The following BTBD3 variants were observed in gnomAD, a reference collection of about 807,000 sequenced individuals.
BTBD3 encodes BTB domain containing 3.
BTBD3 carries 14 observed loss-of-function variants against 41.6 expected under a neutral mutation model. The observed-to-expected ratio is 0.34, with a 90% CI of 0.22 to 0.53. The LOEUF (loss-of-function observed/expected upper bound fraction) is 0.53. Ranked by LOEUF, BTBD3 falls within the 20% of genes least tolerant of loss-of-function variation. The probability of loss-of-function intolerance (pLI) is 0.95; values close to 1 mark genes in which losing one functional copy is unlikely to be tolerated. For synonymous variants in BTBD3, 249 were observed against 233.7 expected (o/e 1.07, Z -0.60); for missense variants, 426 against 654.7 (o/e 0.65, Z 3.81).
At chr20:11,891,230 C>T (rs1475486691) in intron 1 of BTBD3, 1 of 151,772 alleles carries the variant, frequency 6.6e-6, no homozygotes, top group Non-Finnish European at 1.5e-5. Context: ...GTCCTGGTGC[C>T]GGGGGCGGAG....
chr20:11,916,413 CTGTA>C (rs757292488), upstream of BTBD3, among the ~76,000 whole-genome samples: 66 of 152,254 alleles, frequency 4.3e-4, no homozygotes, highest in African/African-American at 1.3e-3. Context: ...TTGGAGGTAT[CTGTA>C]TGTGTGTGTT....
chr20:11,907,658 G>A (rs552232443), intron 1 of BTBD3, among the ~76,000 whole-genome samples: 1 of 152,330 alleles, frequency 6.6e-6, no homozygotes, highest in African/African-American at 2.4e-5. Flanking sequence ...AACCTTCCTT[G>A]CTTAGGTATC....
At chr20:11,914,633 A>T (rs904300686), upstream of BTBD3, among the ~76,000 whole-genome samples, 5 of 151,842 alleles carry the variant, frequency 3.3e-5, no homozygotes, top group Admixed American at 6.6e-5. Flanking sequence ...ATAATAATAA[A>T]ATAAAAAAAA....
intron 1 of BTBD3, among the ~76,000 whole-genome samples, chr20:11,899,949 T>C (rs1462482433): frequency 6.6e-6 from 1 of 152,232 alleles, no homozygotes. Context: ...CTGTTACCTA[T>C]ACACAAAAAT....
chr20:11,904,965 A>G lies in BTBD3; in HGVS notation c.-125-13369A>G, dbSNP rs2056845011. On this transcript the variant is annotated intron_variant, in intron 1 of 4. Coordinates refer to the BTBD3 transcript ENST00000254977. ...TATTGTAATTGCATTCTTATTAGAA[A>G]AGGTTGGTTCACTGAGTTATGCAAA... Among the ~76,000 whole-genome samples the G allele has an allele frequency of 2.0e-5, 3 of 152,240 alleles. No individual in the cohort carries two copies. The South Asian group carries it at 6.2e-4, about 31-fold the overall frequency.
intron 1 of BTBD3, among the ~76,000 whole-genome samples, chr20:11,906,964 C>T (rs1383893492): frequency 6.6e-6 from 1 of 152,130 alleles, no homozygotes; most frequent in African/African-American, 2.4e-5. Flanking sequence ...CATGTGACTG[C>T]TTTCCTCTTT....
chr20:11,908,663 G>T (rs978997246), intron 1 of BTBD3, among the ~76,000 whole-genome samples: 13 of 152,010 alleles, frequency 8.6e-5, no homozygotes, highest in African/African-American at 3.1e-4. Context: ...GAATATTAGA[G>T]AATTGAATTT....
chr20:11,894,294 T>A (rs1488048017), intron 1 of BTBD3, among the ~76,000 whole-genome samples: 1 of 152,212 alleles, frequency 6.6e-6, no homozygotes, highest in Non-Finnish European at 1.5e-5. Flanking sequence ...TTTACTCAGG[T>A]TAGATTTATA....
At chr20:11,904,160 T>C (rs988704515) in intron 1 of BTBD3, among the ~76,000 whole-genome samples, 1 of 152,216 alleles carries the variant, frequency 6.6e-6, no homozygotes, top group Non-Finnish European at 1.5e-5. Context: ...CTGTTTAATT[T>C]ATAAAGAAAA....
chr20:11,919,952 G>T, intron 3 of BTBD3, 116 bp downstream of exon 3: 1 of 881,370 alleles, frequency 1.1e-6, no homozygotes, highest in Non-Finnish European at 1.9e-6. Context: ...GAAGAAAGAG[G>T]GTGCTGCTTA....
intron 3 of BTBD3, among the ~76,000 whole-genome samples, chr20:11,920,614 A>C (rs1281146090): frequency 6.6e-6 from 1 of 152,202 alleles, no homozygotes; most frequent in Non-Finnish European, 1.5e-5. Context: ...GGTACTAGAC[A>C]GTGTGGTAGT....
intron 2 of BTBD3, chr20:11,919,497 G>A (rs1196821487): frequency 7.9e-7 from 1 of 1,264,714 alleles, no homozygotes; most frequent in Non-Finnish European, 1.1e-6. Flanking sequence ...ATTTAGTAAT[G>A]AGGGGACATG....
At chr20:11,898,665 C>T (rs762909745) in intron 1 of BTBD3, among the ~76,000 whole-genome samples, 4 of 152,182 alleles carry the variant, frequency 2.6e-5, no homozygotes, top group Non-Finnish European at 5.9e-5. Flanking sequence ...AGTCTGCCTT[C>T]TCCAATTTTT....
intron 1 of BTBD3, 193 bp from the exon 2 acceptor site, chr20:11,918,893 T>C (rs2056941503): frequency 1.7e-6 from 1 of 577,200 alleles, no homozygotes; most frequent in Admixed American, 3.5e-5. Flanking sequence ...ATAACTTTTA[T>C]TTTAAACTTT....
intron 1 of BTBD3, among the ~76,000 whole-genome samples, chr20:11,898,034 T>G (rs187379560): frequency 9.2e-5 from 14 of 152,240 alleles, no homozygotes; most frequent in Admixed American, 8.5e-4. Context: ...GGCATGCACC[T>G]GTAATTCCAG....
At chr20:11,920,014 T>A (rs549059867) in intron 3 of BTBD3, among the ~76,000 whole-genome samples, 178 bp downstream of exon 3, 1 of 152,232 alleles carries the variant, frequency 6.6e-6, no homozygotes, top group African/African-American at 2.4e-5. Context: ...GGAAAGCATA[T>A]GGAATTATGC....
chr20:11,912,018 C>T (rs951366158), intron 1 of BTBD3, among the ~76,000 whole-genome samples: 1 of 152,136 alleles, frequency 6.6e-6, no homozygotes, highest in African/African-American at 2.4e-5. Flanking sequence ...TTGGGCATTC[C>T]TCCCCACCCC....
chr20:11,907,669 C>T (rs1465272451), intron 1 of BTBD3, among the ~76,000 whole-genome samples: 1 of 152,140 alleles, frequency 6.6e-6, no homozygotes, highest in African/African-American at 2.4e-5. Flanking sequence ...CTTAGGTATC[C>T]TTTGGACTGC....
intron 1 of BTBD3, among the ~76,000 whole-genome samples, chr20:11,904,032 G>A (rs1229252475): frequency 6.6e-6 from 1 of 152,180 alleles, no homozygotes; most frequent in African/African-American, 2.4e-5. Context: ...GAATGAAAGG[G>A]AAAAAGTAGG....
Sources: gnomAD v4.1 joint callset for allele counts (sites outside exome capture counted in the v4.1 genomes callset) on GRCh38, gnomAD v4.1.1 for gene constraint, MANE v1.5 for transcripts, NCBI Gene and HGNC (gene_info 2026-07-23, HGNC 2026-07-21) for gene names.